The following BBX variants were observed in gnomAD, a reference collection of about 807,000 sequenced individuals.
BBX encodes BBX high mobility group box domain containing.
A neutral mutation model predicts 100.2 loss-of-function variants in BBX; 30 were observed. The observed-to-expected ratio is 0.30, with a 90% CI of 0.22 to 0.41. The LOEUF is 0.41. BBX is among the 10% of genes least tolerant of loss of function. The pLI is 1.00. For synonymous variants in BBX, 376 were observed against 388.1 expected (o/e 0.97, Z 0.37); for missense variants, 1,023 against 1,129.8 (o/e 0.91, Z 1.35).
chr3:107,536,263 G>C (rs1336026106), intron 2 of BBX, among the ~76,000 whole-genome samples: 3 of 152,110 alleles, frequency 2.0e-5, no homozygotes, highest in African/African-American at 7.2e-5. Context: ...GTTGCTTTTT[G>C]GTACTAAGAG....
At chr3:107,775,516 A>C (rs916377175) in intron 12 of BBX, among the ~76,000 whole-genome samples, 61 of 152,306 alleles carry the variant, frequency 4.0e-4, no homozygotes, top group Admixed American at 2.6e-3. Flanking sequence ...AATACTTTAT[A>C]CTGGTGAGGA....
intron 9 of BBX, among the ~76,000 whole-genome samples, chr3:107,752,569 A>T (rs1349614035): frequency 6.6e-6 from 1 of 152,110 alleles, no homozygotes; most frequent in African/African-American, 2.4e-5. Flanking sequence ...CTGTTTGCTC[A>T]CCCACCTCAG....
chr3:107,693,788 T>C (rs59866022), intron 3 of BBX, among the ~76,000 whole-genome samples: 149,503 of 151,090 alleles, frequency 0.99, 74,033 homozygotes, highest in Middle Eastern at 1. Context: ...TTACCTTGGG[T>C]GGTATGGCCA....
chr3:107,696,129 A>G (rs1241275373), intron 3 of BBX, among the ~76,000 whole-genome samples: 2 of 151,668 alleles, frequency 1.3e-5, no homozygotes, highest in Non-Finnish European at 2.9e-5. Flanking sequence ...TAGCACACTG[A>G]TGGGTCTTGA....
At chr3:107,722,724 A>AT (rs1161568629) in intron 5 of BBX, among the ~76,000 whole-genome samples, 2 of 152,018 alleles carry the variant, frequency 1.3e-5, no homozygotes, top group Non-Finnish European at 2.9e-5. Context: ...ATTTAATTCA[A>AT]TTTTCTGTCA....
At chr3:107,762,110 C>A (rs559597402) in intron 10 of BBX, among the ~76,000 whole-genome samples, 7 of 152,238 alleles carry the variant, frequency 4.6e-5, no homozygotes, top group African/African-American at 1.7e-4. Context: ...TGTTCTAAAT[C>A]TTTTCACCTC....
chr3:107,789,928 A>T lies in BBX; in HGVS notation c.2293+52A>T, dbSNP rs1040860184. ...AGGGTTCTTGGTCACCTCCATTGTG[A>T]TTCATCTTTGAGTAATGCTCCCATG... On this transcript the variant is annotated intron_variant, in intron 14 of 17. Coordinates refer to ENST00000325805, the MANE Select transcript of BBX (RefSeq NM_001142568.3). The T allele has an allele frequency of 8.6e-6, 12 of 1,393,264 alleles. No homozygotes were observed. In the African/African-American group the frequency reaches 1.6e-4, roughly 18 times the overall value. 86.3% of individuals were successfully genotyped at this position (1,393,264 alleles called of 1,614,324 possible).
chr3:107,790,670 T>C (rs879462252), intron 14 of BBX, among the ~76,000 whole-genome samples: 8 of 152,186 alleles, frequency 5.3e-5, no homozygotes, highest in Non-Finnish European at 8.8e-5. Context: ...CCCTGCATGT[T>C]AGTGTCGTGA....
intron 2 of BBX, among the ~76,000 whole-genome samples, chr3:107,594,760 T>G (rs1224135500): frequency 1.3e-5 from 2 of 152,208 alleles, no homozygotes; most frequent in African/African-American, 2.4e-5. Flanking sequence ...AAACGTTATT[T>G]TTTATTTTTA....
At chr3:107,642,284 A>G (rs1438851546) in intron 2 of BBX, among the ~76,000 whole-genome samples, 1 of 152,222 alleles carries the variant, frequency 6.6e-6, no homozygotes, top group African/African-American at 2.4e-5. Flanking sequence ...TATTACATGG[A>G]GGTAAAAGCT....
intron 2 of BBX, among the ~76,000 whole-genome samples, chr3:107,635,151 CA>C (rs1456398087): frequency 1.3e-5 from 2 of 152,112 alleles, no homozygotes; most frequent in Admixed American, 1.3e-4. Flanking sequence ...TGTGCCTCTT[CA>C]AGCTATGAAG....
intron 7 of BBX, among the ~76,000 whole-genome samples, chr3:107,739,166 G>T (rs2063882719): frequency 6.6e-6 from 1 of 152,086 alleles, no homozygotes; most frequent in African/African-American, 2.4e-5. Flanking sequence ...ATGAAATGAG[G>T]CTATTTATAT....
intron 3 of BBX, among the ~76,000 whole-genome samples, chr3:107,651,051 C>T (rs2057809701): frequency 1.3e-5 from 2 of 152,228 alleles, no homozygotes; most frequent in East Asian, 1.9e-4. Context: ...GGATTAGGGC[C>T]CCACCCATAT....
chr3:107,722,588 C>A (rs2062622634), intron 5 of BBX, among the ~76,000 whole-genome samples: 1 of 151,938 alleles, frequency 6.6e-6, no homozygotes, highest in Non-Finnish European at 1.5e-5. Flanking sequence ...ACACAACAAG[C>A]AAATAATTTC....
intron 10 of BBX, among the ~76,000 whole-genome samples, chr3:107,769,818 A>T (rs919889226): frequency 1.3e-5 from 2 of 152,184 alleles, no homozygotes; most frequent in Non-Finnish European, 2.9e-5. Flanking sequence ...TACTGTAGTA[A>T]AATGAATTCC....
Position 107,774,704 on chromosome 3 carries a change from C to T in BBX, c.1916-15C>T. 6.2e-7 allele frequency: 1 copy of T among 1,611,552 alleles called. No individual in the cohort carries two copies. Among genetic ancestry groups the T allele is most frequent in the Non-Finnish European group, 8.5e-7 (1 of 1,178,850 alleles). Reference sequence around the variant, plus strand: ...CCTGTATACCAAACACATCCTTTCTCTTGAATTTTCTTAGGAAAACGAAGC... The same window carrying T: ...CCTGTATACCAAACACATCCTTTCTTTTGAATTTTCTTAGGAAAACGAAGC... On this transcript the variant is annotated splice_polypyrimidine_tract_variant and intron_variant, in intron 11 of 17. Coordinates refer to ENST00000325805, the MANE Select transcript of BBX (RefSeq NM_001142568.3).
At chr3:107,693,266 C>A (rs1210323054) in intron 3 of BBX, among the ~76,000 whole-genome samples, 2 of 151,808 alleles carry the variant, frequency 1.3e-5, no homozygotes, top group Admixed American at 6.6e-5. Context: ...GACATGAAGT[C>A]CTTGTCCATG....
At chr3:107,736,541 T>G (rs1364451335) in intron 7 of BBX, among the ~76,000 whole-genome samples, 6 of 152,088 alleles carry the variant, frequency 3.9e-5, no homozygotes. Flanking sequence ...CTTTATGTTT[T>G]ATACCACAGA....
chr3:107,725,720 G>A (rs566010899), intron 5 of BBX, among the ~76,000 whole-genome samples: 2 of 152,150 alleles, frequency 1.3e-5, no homozygotes, highest in South Asian at 4.2e-4. Flanking sequence ...CATGGTAGTG[G>A]ATAGGGCCTG....
Sources: gnomAD v4.1 joint callset for allele counts (sites outside exome capture counted in the v4.1 genomes callset) on GRCh38, gnomAD v4.1.1 for gene constraint, MANE v1.5 for transcripts, NCBI Gene and HGNC (gene_info 2026-07-23, HGNC 2026-07-21) for gene names.